The following BBC3 variants were observed in gnomAD, a reference collection of about 807,000 sequenced individuals.
The protein encoded by BBC3 is bcl-2-binding component 3.
Under a neutral mutation model 18.2 loss-of-function variants are expected in BBC3, and 5 were observed. The observed-to-expected ratio is 0.27, with a 90% confidence interval of 0.14 to 0.58. The LOEUF is 0.58. BBC3 is among the 20% of genes least tolerant of loss of function. The pLI is 0.91. For missense variants in BBC3, 224 were observed against 268.9 expected (o/e 0.83, Z 1.17); for synonymous variants, 119 against 128.0 (o/e 0.93, Z 0.47).
intron 3 of BBC3, among the ~76,000 whole-genome samples, chr19:47,226,000 C>A (rs1233093866): frequency 6.6e-6 from 1 of 151,624 alleles, no homozygotes; most frequent in Non-Finnish European, 1.5e-5. Flanking sequence ...GCCTGGTGGG[C>A]GCATGATGTT....
At chr19:47,226,110 G>C (rs1275371424) in intron 3 of BBC3, among the ~76,000 whole-genome samples, 2 of 151,496 alleles carry the variant, frequency 1.3e-5, no homozygotes, top group Non-Finnish European at 2.9e-5. Flanking sequence ...GGGCGGGGCT[G>C]CGAGCCCACC....
rs1319279935 is a variant in BBC3, at chr19:47,231,069, G to GGCTGCTGTGGCTGTGGCT, written c.-174_-157dup. On this transcript the variant is annotated 5_prime_UTR_variant, in exon 1 of 4. Transcript: ENST00000439096. The surrounding 1 kb of genome is among the most constrained non-coding windows in gnomAD (Gnocchi z 4.0). Reference sequence around the variant, plus strand: ...CTGCTGCCGCTCTAACTGCAGTGGCGGCTGCTGTGGCTGTGGCTGCTGCTG... The same window carrying GGCTGCTGTGGCTGTGGCT: ...CTGCTGCCGCTCTAACTGCAGTGGCGGCTGCTGTGGCTGTGGCTGCTGCTGTGGCTGTGGCTGCTGCTG... 1.3e-5 allele frequency: 12 copies of GGCTGCTGTGGCTGTGGCT among 958,948 alleles called. No homozygotes were observed. The highest frequency in any genetic ancestry group is 1.5e-5 in the Non-Finnish European group (12 of 805,096). 59.4% of individuals were successfully genotyped at this position (958,948 alleles called of 1,614,324 possible).
At chr19:47,226,173 C>G (rs975675294) in intron 3 of BBC3, among the ~76,000 whole-genome samples, 1 of 151,698 alleles carries the variant, frequency 6.6e-6, no homozygotes, top group East Asian at 1.9e-4. Context: ...GCGCTGCGGG[C>G]CGCGCGAGAG....
In BBC3 at chr19:47,221,728, G is replaced by C; in HGVS notation, c.*74C>G. 1.9e-6 allele frequency: 3 copies of C among 1,599,878 alleles called. No individual in the cohort carries two copies. Among genetic ancestry groups the C allele is most frequent in the Non-Finnish European group, 2.6e-6 (3 of 1,176,160 alleles). ...ACATGGTGCAGAGAAAGTCCCCCGCGCTGGCCAGGGTGTCAGGAGGTGGGA... is the reference window on the plus strand; with the variant it reads ...ACATGGTGCAGAGAAAGTCCCCCGCCCTGGCCAGGGTGTCAGGAGGTGGGA... On this transcript the variant is annotated 3_prime_UTR_variant, in exon 4 of 4. Transcript: ENST00000439096.
At position 47,230,194 on chromosome 19, in the gene BBC3, C is replaced by A. The variant is rs1038810913; in HGVS notation, c.-16+735G>T. 6.6e-6 allele frequency among the ~76,000 whole-genome samples: 1 copy of A among 152,160 alleles called. No individual in the cohort carries two copies. Among genetic ancestry groups the A allele is most frequent in the South Asian group, 2.1e-4 (1 of 4,810 alleles). ...CAGGGCACCCACAGACAGAACCCCA[C>A]ACAAACAGGCGCGGGGACTCACGCA... On this transcript the variant is annotated intron_variant, in intron 1 of 3. Transcript: ENST00000439096. This position sits in a 1 kb window ranked among gnomAD's most constrained non-coding sequence, Gnocchi z 6.7.
intron 3 of BBC3, among the ~76,000 whole-genome samples, chr19:47,226,313 C>T (rs1028612319): frequency 2.0e-5 from 3 of 151,836 alleles, no homozygotes; most frequent in Non-Finnish European, 4.4e-5. Context: ...CAGCTCCACT[C>T]CTCGGCGGCC....
upstream of BBC3, chr19:47,232,720 T>G: frequency 4.5e-6 from 4 of 898,496 alleles, no homozygotes; most frequent in African/African-American, 1.7e-5. Context: ...TCCTGTCTCC[T>G]CTACACTTTC....
chr19:47,226,519 C>T lies in BBC3; in HGVS notation c.465+45G>A, dbSNP rs775512217. 3.1e-5 allele frequency: 46 copies of T among 1,483,774 alleles called. 1 individual carries two copies. The South Asian group carries it at 5.7e-4, about 19-fold the overall frequency. The allele number at this position is 1,483,774 out of a possible 1,614,324, so 91.9% of individuals were successfully genotyped here. The stretch of plus-strand genomic sequence containing the variant: ...CGGGGGCCGCCTGCCGCCCCCTCCT[C>T]CGGCGGAAGTCCCACCTGCCGTCTA... On this transcript the variant is annotated intron_variant, in intron 3 of 3. Coordinates refer to ENST00000439096, the MANE Select transcript of BBC3 (RefSeq NM_014417.5).
rs1333732867 is a variant in BBC3, at chr19:47,228,299, C to G, written c.133G>C (p.Ala45Pro). The G allele has an allele frequency of 8.2e-7, 1 of 1,221,464 alleles. No individual in the cohort carries two copies. Among genetic ancestry groups the G allele is most frequent in the East Asian group, 3.2e-5 (1 of 30,804 alleles). The allele number at this position is 1,221,464 out of a possible 1,614,324, so 75.7% of individuals were successfully genotyped here. The change falls in exon 2 of 4, where the codon GCT becomes CCT. Residue 45 changes from alanine to proline, a missense_variant. By Grantham distance (27) the Ala-to-Pro change is conservative. Transcript: ENST00000439096. The surrounding 1 kb of genome is among the most constrained non-coding windows in gnomAD (Gnocchi z 5.5). ...AGGGTGGGGGCGGCGGGGGCGGCAG[C>G]CAGGCCGGGCTCGCAGAGGCCGCAG... is the stretch of plus-strand genomic sequence containing the variant. ...VSCGLCEPGL[A>P]AAPAAPTLLP...
chr19:47,226,875 A>G, intron 2 of BBC3, 121 bp from the exon 3 acceptor site: 1 of 904,886 alleles, frequency 1.1e-6, no homozygotes, highest in Non-Finnish European at 1.5e-6. Context: ...TCCCATCGCT[A>G]GTGAGTCAAT....
At chr19:47,227,053 A>C in intron 2 of BBC3, 1 of 289,130 alleles carries the variant, frequency 3.5e-6, no homozygotes, top group Non-Finnish European at 6.5e-6. Context: ...TCTATTTTCC[A>C]AAGGGGCCAC....
chr19:47,224,527 G>C (rs1313298450), intron 3 of BBC3, among the ~76,000 whole-genome samples: 1 of 151,998 alleles, frequency 6.6e-6, no homozygotes, highest in Non-Finnish European at 1.5e-5. Context: ...TTGGGAGGCT[G>C]AGGCGGGAGG....
At chr19:47,223,838 G>T (rs948426749) in intron 3 of BBC3, among the ~76,000 whole-genome samples, 1 of 152,150 alleles carries the variant, frequency 6.6e-6, no homozygotes, top group African/African-American at 2.4e-5. Context: ...CATCGGATTG[G>T]TGTAAGTTAC....
chr19:47,232,726 CT>C (rs1264267363), upstream of BBC3: 3 of 834,390 alleles, frequency 3.6e-6, no homozygotes, highest in African/African-American at 5.1e-5. Flanking sequence ...CTCCTCTACA[CT>C]TTCCATCCTT....
Position 47,221,666 on chromosome 19 carries a change from G to GC in BBC3, c.*135dup, listed in dbSNP as rs1382301354. On this transcript the variant is annotated 3_prime_UTR_variant, in exon 4 of 4. Transcript: ENST00000439096. ...GGGGCTGGAGTGGCTGCCCCGGCCC[G>GC]CCCCCGGGACAGGCAGGGCTGGGAG... 28 of 1,517,208 alleles carry GC rather than the reference G, an allele frequency of 1.8e-5. No individual in the cohort carries two copies. The highest frequency in any genetic ancestry group is 2.1e-5 in the Non-Finnish European group (24 of 1,136,802). The allele number at this position is 1,517,208 out of a possible 1,614,324, so 94.0% of individuals were successfully genotyped here.
intron 3 of BBC3, among the ~76,000 whole-genome samples, chr19:47,223,245 T>C (rs2058772752): frequency 6.8e-6 from 1 of 147,328 alleles, no homozygotes; most frequent in Non-Finnish European, 1.5e-5. Flanking sequence ...CACTCCAGCC[T>C]GGGTGACAGA....
chr19:47,232,092 C>T (rs937075588), upstream of BBC3, among the ~76,000 whole-genome samples: 3 of 152,236 alleles, frequency 2.0e-5, no homozygotes, highest in Non-Finnish European at 2.9e-5. Flanking sequence ...TGGCTCATGC[C>T]TGTAATCCCA....
At chr19:47,226,426 A>G in intron 3 of BBC3, 138 bp downstream of exon 3, 1 of 79,214 alleles carries the variant, frequency 1.3e-5, no homozygotes, top group Non-Finnish European at 2.6e-5. Flanking sequence ...CCCCCCACCC[A>G]CTTACCCCCC....
Position 47,226,683 on chromosome 19 carries a change from C to T in BBC3, c.346G>A (p.Ala116Thr). 2 of 1,498,826 alleles carry T rather than the reference C, an allele frequency of 1.3e-6. No homozygotes were observed. The highest frequency in any genetic ancestry group is 1.8e-6 in the Non-Finnish European group (2 of 1,125,728). The allele number at this position is 1,498,826 out of a possible 1,614,324, so 92.8% of individuals were successfully genotyped here. ...SPVPSAPGAL[A>T]GGPTQAAPGV... ...GGGGCCGCCTGGGTGGGACCGCCCGCCAGAGCCCCCGGGGCGCTGGGCACG... is the reference window on the plus strand; with the variant it reads ...GGGGCCGCCTGGGTGGGACCGCCCGTCAGAGCCCCCGGGGCGCTGGGCACG... Residue 116 changes from alanine to threonine, a missense_variant, in exon 3 of 4, where the codon GCG becomes ACG. Ala to Thr is a moderately conservative substitution (Grantham distance 58). Transcript: ENST00000439096.
Sources: gnomAD v4.1 joint callset for allele counts (sites outside exome capture counted in the v4.1 genomes callset) on GRCh38, gnomAD v4.1.1 for gene constraint, Gnocchi (gnomAD v3.1) non-coding constraint, MANE v1.5 for transcripts, NCBI Gene and HGNC (gene_info 2026-07-23, HGNC 2026-07-21) for gene names.